Variants in MAGI2 observed in about 807,000 individuals in gnomAD.
MAGI2 encodes membrane-associated guanylate kinase, WW and PDZ domain-containing protein 2.
A neutral mutation model predicts 133.3 loss-of-function variants in MAGI2; 35 were observed. That is an observed-to-expected ratio of 0.26 (90% CI 0.20 to 0.35). The LOEUF (loss-of-function observed/expected upper bound fraction) is 0.35. MAGI2 is among the 10% of genes least tolerant of loss of function. The probability of loss-of-function intolerance (pLI) is 1.00; values close to 1 mark genes in which losing one functional copy is unlikely to be tolerated. For missense variants in MAGI2, 1,636 were observed against 1,863.4 expected, an observed-to-expected ratio of 0.88 and a Z score of 2.25; for synonymous variants, 729 against 710.6, an observed-to-expected ratio of 1.03 and a Z score of -0.41.
chr7:78,602,606 G>A (rs902308232), intron 3 of MAGI2, among the ~76,000 whole-genome samples: 3 of 151,964 alleles, frequency 2.0e-5, no homozygotes, highest in Non-Finnish European at 2.9e-5. Flanking sequence ...AAAAAAAGCT[G>A]AAAAGCATTT....
intron 21 of MAGI2, among the ~76,000 whole-genome samples, chr7:78,024,580 A>G (rs771245608): frequency 6.6e-6 from 1 of 152,156 alleles, no homozygotes; most frequent in Non-Finnish European, 1.5e-5. Context: ...CTTATCTTCA[A>G]ATATATGTGA....
At chr7:78,070,446 A>G (rs1239364819) in intron 21 of MAGI2, among the ~76,000 whole-genome samples, 2 of 146,968 alleles carry the variant, frequency 1.4e-5, no homozygotes, top group African/African-American at 5.0e-5. Flanking sequence ...ATATATGTGT[A>G]TATATATGTG....
At chr7:79,329,544 A>G (rs1393753247) in intron 1 of MAGI2, among the ~76,000 whole-genome samples, 2 of 152,232 alleles carry the variant, frequency 1.3e-5, no homozygotes, top group Non-Finnish European at 2.9e-5. Context: ...TGGCTGGAAG[A>G]AGCCATCCGT....
intron 4 of MAGI2, chr7:78,518,733 C>G (rs1302804890): frequency 6.6e-6 from 1 of 152,056 alleles, no homozygotes; most frequent in African/African-American, 2.4e-5. Flanking sequence ...GTTTCTCTCT[C>G]TCTCTTTTTG....
intron 9 of MAGI2, among the ~76,000 whole-genome samples, chr7:78,278,855 A>AC (rs1371137578): frequency 6.6e-6 from 1 of 151,916 alleles, no homozygotes; most frequent in Non-Finnish European, 1.5e-5. Flanking sequence ...GCCAATACCT[A>AC]CTCTGGTTTT....
chr7:79,176,163 C>A (rs2129549665), intron 1 of MAGI2, among the ~76,000 whole-genome samples: 1 of 152,128 alleles, frequency 6.6e-6, no homozygotes, highest in East Asian at 1.9e-4. Context: ...ATTGCATATG[C>A]ATGTGGTGGA....
intron 1 of MAGI2, among the ~76,000 whole-genome samples, chr7:79,175,960 C>T (rs944896703): frequency 1.3e-5 from 2 of 151,900 alleles, no homozygotes; most frequent in African/African-American, 4.8e-5. Context: ...GGGCATTAAC[C>T]TCAGTATTTT....
intron 1 of MAGI2, among the ~76,000 whole-genome samples, chr7:79,012,503 G>A (rs1430997749): frequency 6.6e-6 from 1 of 152,110 alleles, no homozygotes; most frequent in Non-Finnish European, 1.5e-5. Flanking sequence ...CCAGGAGAGA[G>A]TGTTTCCTAT....
At chr7:78,751,790 G>A (rs73365868) in intron 2 of MAGI2, among the ~76,000 whole-genome samples, 8 of 152,292 alleles carry the variant, frequency 5.3e-5, no homozygotes, top group African/African-American at 1.7e-4. Context: ...TAGAAAAAAG[G>A]TAATGGCACC....
chr7:78,612,959 C>T (rs574571420), intron 3 of MAGI2, among the ~76,000 whole-genome samples: 23 of 152,162 alleles, frequency 1.5e-4, no homozygotes, highest in African/African-American at 4.3e-4. Flanking sequence ...CGTGAGCCAC[C>T]GCGCCAGGCC....
intron 18 of MAGI2, among the ~76,000 whole-genome samples, chr7:78,128,084 T>C (rs750514552): frequency 5.9e-5 from 9 of 152,144 alleles, no homozygotes; most frequent in Non-Finnish European, 1.3e-4. Context: ...CTATCAAGAT[T>C]AGCATCAAAT....
intron 1 of MAGI2, among the ~76,000 whole-genome samples, chr7:79,313,015 G>A (rs1311912151): frequency 6.6e-6 from 1 of 151,956 alleles, no homozygotes; most frequent in Non-Finnish European, 1.5e-5. Flanking sequence ...TTATTACATG[G>A]AATATTTTCT....
chr7:78,263,388 T>C (rs1195328204), intron 9 of MAGI2, among the ~76,000 whole-genome samples: 2 of 152,178 alleles, frequency 1.3e-5, no homozygotes, highest in Non-Finnish European at 2.9e-5. Context: ...TTTTTTCTAC[T>C]ACTACTACCC....
At chr7:79,336,361 A>G (rs1840439107) in intron 1 of MAGI2, among the ~76,000 whole-genome samples, 2 of 152,134 alleles carry the variant, frequency 1.3e-5, no homozygotes, top group African/African-American at 4.8e-5. Context: ...GTTGGATAGT[A>G]CTATAAACTG....
chr7:78,654,709 A>ATATATATATATATATATATATG (rs1811958512), intron 2 of MAGI2, among the ~76,000 whole-genome samples: 2 of 3,356 alleles, frequency 6.0e-4, no homozygotes, highest in African/African-American at 1.5e-3. Flanking sequence ...ATATGTATAT[A>ATATATATATATATATATATATG]TATATATATA....
chr7:78,126,022 A>C (rs1250506511), intron 19 of MAGI2, among the ~76,000 whole-genome samples, 185 bp from the exon 20 acceptor site: 3 of 152,232 alleles, frequency 2.0e-5, no homozygotes, highest in African/African-American at 7.2e-5. Context: ...AGGTTTGAGC[A>C]GGCCAGAGCA....
intron 2 of MAGI2, among the ~76,000 whole-genome samples, chr7:78,768,071 T>C (rs1445798811): frequency 6.6e-6 from 1 of 152,218 alleles, no homozygotes; most frequent in Admixed American, 6.5e-5. Flanking sequence ...GTTTCTAAGA[T>C]TGTGATTCTT....
chr7:78,658,463 T>C (rs1812547214), intron 2 of MAGI2, among the ~76,000 whole-genome samples: 1 of 152,116 alleles, frequency 6.6e-6, no homozygotes, highest in South Asian at 2.1e-4. Context: ...GAAGGGAAAA[T>C]TGATAAACTG....
chr7:78,643,645 T>C (rs1362867975), intron 2 of MAGI2, among the ~76,000 whole-genome samples: 1 of 152,106 alleles, frequency 6.6e-6, no homozygotes, highest in African/African-American at 2.4e-5. Flanking sequence ...ATATAAAATA[T>C]ATAGCTTAAT....
Sources: gnomAD v4.1 joint callset for allele counts (sites outside exome capture counted in the v4.1 genomes callset) on GRCh38, gnomAD v4.1.1 for gene constraint, MANE v1.5 for transcripts, NCBI Gene and HGNC (gene_info 2026-07-23, HGNC 2026-07-21) for gene names.